Variants in ZBTB44 observed in about 807,000 individuals in gnomAD.
ZBTB44 encodes the protein zinc finger and BTB domain containing 44, also known as zinc finger and BTB domain-containing protein 44.
ZBTB44 carries 15 observed loss-of-function variants against 54.0 expected under a neutral mutation model. The observed-to-expected ratio is 0.28, with a 90% CI of 0.19 to 0.43. The LOEUF is 0.43. ZBTB44 is among the 20% of genes least tolerant of loss of function. The pLI, the probability that ZBTB44 is intolerant of heterozygous loss-of-function variation, is 1.00. For missense variants in ZBTB44, 487 were observed against 707.1 expected, an observed-to-expected ratio of 0.69 and a Z score of 3.53; for synonymous variants, 230 against 250.1, an observed-to-expected ratio of 0.92 and a Z score of 0.76.
intron 2 of ZBTB44, among the ~76,000 whole-genome samples, chr11:130,249,347 C>T (rs755343116): frequency 1.1e-4 from 17 of 152,158 alleles, no homozygotes; most frequent in Non-Finnish European, 2.2e-4. Context: ...TTGGTTGTAT[C>T]AACAAATAGC....
chr11:130,249,255 T>C (rs1937788954), intron 2 of ZBTB44, among the ~76,000 whole-genome samples: 1 of 152,192 alleles, frequency 6.6e-6, no homozygotes, highest in South Asian at 2.1e-4. Flanking sequence ...ATGATTAAAA[T>C]TATAATTATT....
chr11:130,277,068 A>T (rs1940157401), intron 1 of ZBTB44, among the ~76,000 whole-genome samples: 1 of 152,094 alleles, frequency 6.6e-6, no homozygotes, highest in Non-Finnish European at 1.5e-5. Context: ...ATACAGCTGG[A>T]TAATGCTGTT....
At chr11:130,267,789 C>T (rs185673115) in intron 1 of ZBTB44, among the ~76,000 whole-genome samples, 132 of 152,164 alleles carry the variant, frequency 8.7e-4, no homozygotes, top group African/African-American at 3.1e-3. Flanking sequence ...GAAGGCCGGG[C>T]GCAGTGGCTC....
At chr11:130,293,622 GAAAA>G (rs771432644) in intron 1 of ZBTB44, among the ~76,000 whole-genome samples, 2 of 100,076 alleles carry the variant, frequency 2.0e-5, no homozygotes, top group African/African-American at 3.4e-5. Flanking sequence ...TCTACTTAAA[GAAAA>G]AAAAAAAAAA....
chr11:130,264,211 A>C (rs781427891), intron 1 of ZBTB44, among the ~76,000 whole-genome samples: 2 of 152,248 alleles, frequency 1.3e-5, no homozygotes, highest in Admixed American at 1.3e-4. Flanking sequence ...TAGAATAGTA[A>C]CTAGTAACAT....
chr11:130,294,309 G>T (rs1451086327), intron 1 of ZBTB44, among the ~76,000 whole-genome samples: 1 of 151,748 alleles, frequency 6.6e-6, no homozygotes, highest in Admixed American at 6.6e-5. Context: ...CTACTCAGGC[G>T]CCTGAGGCAC....
chr11:130,296,679 G>T (rs183602151), intron 1 of ZBTB44: 1 of 1,047,538 alleles, frequency 9.5e-7, no homozygotes, highest in East Asian at 2.4e-5. Flanking sequence ...ACAATCCAAG[G>T]TTCCATTAAG....
chr11:130,299,649 A>AC (rs1941884324), intron 1 of ZBTB44, among the ~76,000 whole-genome samples: 1 of 152,154 alleles, frequency 6.6e-6, no homozygotes, highest in African/African-American at 2.4e-5. Flanking sequence ...AAAAAAAAAA[A>AC]CAAAATAACA....
In ZBTB44 at chr11:130,229,253, A is replaced by G. The variant is rs542131416; in HGVS notation, c.*2511T>C. 7 of 152,284 alleles carry G rather than the reference A, an allele frequency of 4.6e-5. No homozygotes were observed. Among genetic ancestry groups the G allele is most frequent in the African/African-American group, 1.7e-4 (7 of 41,558 alleles). 9.4% of individuals were successfully genotyped at this position (152,284 alleles called of 1,614,324 possible). Reference sequence around the variant, plus strand: ...CGATAGAGTGGAAATGTCTAACTGTATTAGTTTAGTAAAAAGTTAAAAAAA... The same window carrying G: ...CGATAGAGTGGAAATGTCTAACTGTGTTAGTTTAGTAAAAAGTTAAAAAAA... On this transcript the variant is annotated 3_prime_UTR_variant, in exon 8 of 8. Transcript: ENST00000357899.
At position 130,301,809 on chromosome 11, in the gene ZBTB44, G is replaced by C. The variant is rs537657908; in HGVS notation, c.-57+12566C>G. Among the ~76,000 whole-genome samples, 29 of 152,294 alleles carry C rather than the reference G, an allele frequency of 1.9e-4. No individual in the cohort carries two copies. The South Asian group carries it at 2.9e-3, about 15-fold the overall frequency. On this transcript the variant is annotated intron_variant, in intron 1 of 7. Coordinates refer to ENST00000357899, the MANE Select transcript of ZBTB44 (RefSeq NM_001301098.2). The stretch of plus-strand genomic sequence containing the variant: ...CATGCCTGTGATTTCAGCACTGTGA[G>C]AGGCTGAGTTGGGCAGGCTGCTTGA...
intron 1 of ZBTB44, among the ~76,000 whole-genome samples, chr11:130,263,990 T>C (rs1490916489): frequency 2.6e-5 from 4 of 152,180 alleles, no homozygotes; most frequent in Non-Finnish European, 4.4e-5. Flanking sequence ...CAACAGTATA[T>C]AAAGGCATCA....
rs569844154 is a variant in ZBTB44 at position 130,312,914 on chromosome 11, G to A, written c.-57+1461C>T. On this transcript the variant is annotated intron_variant, in intron 1 of 7. Transcript: ENST00000357899. ...ATATTTGAGGATTACAGTGTTTGCA[G>A]CTTACTTTCAAATAATTACACACAT... is the stretch of plus-strand genomic sequence containing the variant. Among the ~76,000 whole-genome samples the A allele has an allele frequency of 1.3e-3, 198 of 152,282 alleles. 1 individual carries two copies. The highest frequency in any genetic ancestry group is 4.5e-3 in the African/African-American group (189 of 41,552).
chr11:130,290,691 A>G (rs1941248378), intron 1 of ZBTB44, among the ~76,000 whole-genome samples: 1 of 152,232 alleles, frequency 6.6e-6, no homozygotes, highest in Admixed American at 6.5e-5. Context: ...TATCAACAGT[A>G]CTTGGTACTT....
At chr11:130,302,867 C>T (rs145035977) in intron 1 of ZBTB44, among the ~76,000 whole-genome samples, 6,226 of 152,086 alleles carry the variant, frequency 0.041, 316 homozygotes, top group African/African-American at 0.12. Context: ...CCCAGCTACT[C>T]GGGAGGCTGA....
chr11:130,229,814 ACATT>A lies in ZBTB44; in HGVS notation c.*1946_*1949del, dbSNP rs1953809289. The A allele has an allele frequency of 6.6e-6, 1 of 152,166 alleles. No homozygotes were observed. Among genetic ancestry groups the A allele is most frequent in the Non-Finnish European group, 1.5e-5 (1 of 68,014 alleles). The allele number at this position is 152,166 out of a possible 1,614,324, so 9.4% of individuals were successfully genotyped here. A position where few individuals can be genotyped will look rare whatever the true frequency, so the allele number is the denominator to read the frequency against. On this transcript the variant is annotated 3_prime_UTR_variant, in exon 8 of 8. Coordinates refer to ENST00000357899, the MANE Select transcript of ZBTB44 (RefSeq NM_001301098.2). ...CAATAACTTACTTACAGTGAAAACT[ACATT>A]TATTTATTACCTTCTGGCAACTTTG...
At chr11:130,290,730 C>G (rs1238757713) in intron 1 of ZBTB44, among the ~76,000 whole-genome samples, 1 of 152,226 alleles carries the variant, frequency 6.6e-6, no homozygotes, top group Non-Finnish European at 1.5e-5. Context: ...TCTATCACAT[C>G]TGACATGGAC....
intron 1 of ZBTB44, among the ~76,000 whole-genome samples, chr11:130,273,843 TG>T (rs1939856247): frequency 6.6e-6 from 1 of 151,916 alleles, no homozygotes; most frequent in Admixed American, 6.6e-5. Flanking sequence ...CTGAGGCAGG[TG>T]GATCACTTGA....
intron 1 of ZBTB44, among the ~76,000 whole-genome samples, chr11:130,313,908 G>GTA (rs1491524156): frequency 7.0e-5 from 2 of 28,378 alleles, no homozygotes; most frequent in Non-Finnish European, 3.2e-4. Flanking sequence ...AGGAAAAGAG[G>GTA]TGTGTGTGTG....
intron 1 of ZBTB44, among the ~76,000 whole-genome samples, chr11:130,264,032 G>T (rs1939070507): frequency 6.6e-6 from 1 of 152,148 alleles, no homozygotes; most frequent in Admixed American, 6.5e-5. Flanking sequence ...AGACTCTGGA[G>T]CCAGAATGCT....
Sources: allele counts gnomAD v4.1 joint callset (sites outside exome capture counted in the v4.1 genomes callset), GRCh38; gene constraint gnomAD v4.1.1; transcripts MANE v1.5; gene names NCBI Gene and HGNC (gene_info 2026-07-23, HGNC 2026-07-21).